The following RBFOX1 variants were observed in gnomAD, a reference collection of about 807,000 sequenced individuals.
RBFOX1 encodes the protein RNA binding protein fox-1 homolog 1.
A neutral mutation model predicts 57.7 loss-of-function variants in RBFOX1; 8 were observed. The observed-to-expected ratio is 0.14, with a 90% CI of 0.08 to 0.25. RBFOX1 has a LOEUF of 0.25. Among genes scored for constraint, RBFOX1 ranks in the 10% least tolerant of loss-of-function variants. The pLI is 1.00. For missense variants in RBFOX1, 611 were observed against 548.5 expected, an observed-to-expected ratio of 1.11 and a Z score of -1.14; for synonymous variants, 326 against 222.4, an observed-to-expected ratio of 1.47 and a Z score of -4.15.
At chr16:5,563,185 G>C (rs2045947837) in intron 2 of RBFOX1, among the ~76,000 whole-genome samples, 1 of 152,220 alleles carries the variant, frequency 6.6e-6, no homozygotes, top group Admixed American at 6.5e-5. Context: ...CTGACATCAG[G>C]TGATCTGCCT....
intron 3 of RBFOX1, among the ~76,000 whole-genome samples, chr16:6,856,107 CTTTCTTCCCT>C (rs1337431555): frequency 6.6e-6 from 1 of 151,242 alleles, no homozygotes; most frequent in Admixed American, 6.6e-5. Flanking sequence ...CTTCCCTTCC[CTTTCTTCCCT>C]TTCCTTCCCT....
At position 5,679,302 on chromosome 16, in the gene RBFOX1, C is replaced by T. The variant is rs111655756; in HGVS notation, c.318+80341C>T. Among the ~76,000 whole-genome samples the T allele has an allele frequency of 8.5e-3, 1,291 of 151,718 alleles. 16 individuals are homozygous for T. The highest frequency in any genetic ancestry group is 0.034 in the Middle Eastern group (10 of 292). The stretch of plus-strand genomic sequence containing the variant: ...TATGCTAAAGTCATGCTGTTACATC[C>T]GAAGTTGTATGACTGACCACCAATT... On this transcript the variant is annotated intron_variant, in intron 3 of 19. Transcript: ENST00000641259.
intron 4 of RBFOX1, among the ~76,000 whole-genome samples, chr16:7,063,024 A>G (rs1051225183): frequency 6.8e-6 from 1 of 147,948 alleles, no homozygotes. Context: ...CTGCAGAGCC[A>G]AGAGTTTGGT....
chr16:5,681,333 C>T (rs898958579), intron 3 of RBFOX1, among the ~76,000 whole-genome samples: 3 of 151,166 alleles, frequency 2.0e-5, no homozygotes, highest in African/African-American at 7.3e-5. Flanking sequence ...ATCCACCCGC[C>T]TCGGCCTCCC....
chr16:7,637,693 C>G (rs1242398706), intron 11 of RBFOX1, among the ~76,000 whole-genome samples: 1 of 152,144 alleles, frequency 6.6e-6, no homozygotes, highest in East Asian at 1.9e-4. Flanking sequence ...ATTGTGTCTT[C>G]TTTTTCCCTC....
intron 3 of RBFOX1, among the ~76,000 whole-genome samples, chr16:6,929,122 T>C (rs1414979942): frequency 6.6e-6 from 1 of 152,120 alleles, no homozygotes; most frequent in African/African-American, 2.4e-5. Flanking sequence ...ATTGCAACTC[T>C]TCAATACTTT....
intron 4 of RBFOX1, among the ~76,000 whole-genome samples, chr16:7,189,876 G>A (rs984659091): frequency 5.3e-5 from 8 of 152,074 alleles, no homozygotes; most frequent in Non-Finnish European, 1.0e-4. Context: ...TCTGCAATAG[G>A]CCCAACTCAC....
rs533749720 is a variant in RBFOX1 at position 7,000,324 on chromosome 16, CAAATTA to C, written c.-15-51726_-15-51721del. On this transcript the variant is annotated intron_variant, in intron 3 of 15. Transcript: ENST00000550418. ...AAATTTAAACATGATCGATATGTCT[CAAATTA>C]AAATTAGTCGATACATCTCTCAAGT... Among the ~76,000 whole-genome samples, 101 of 152,120 alleles carry C rather than the reference CAAATTA, an allele frequency of 6.6e-4. No homozygotes were observed. The South Asian group carries it at 9.3e-3, about 14-fold the overall frequency.
At chr16:5,950,937 A>G (rs1005295108) in intron 4 of RBFOX1, among the ~76,000 whole-genome samples, 5 of 152,128 alleles carry the variant, frequency 3.3e-5, no homozygotes, top group Non-Finnish European at 7.3e-5. Flanking sequence ...AGACCTACCC[A>G]AAGTTGTACA....
intron 4 of RBFOX1, among the ~76,000 whole-genome samples, chr16:7,479,054 G>A (rs1032712228): frequency 6.6e-6 from 1 of 151,978 alleles, no homozygotes; most frequent in Non-Finnish European, 1.5e-5. Flanking sequence ...AAACAGGAAA[G>A]TGGAGTCATA....
intron 4 of RBFOX1, among the ~76,000 whole-genome samples, chr16:7,419,169 A>C (rs1040170227): frequency 6.6e-6 from 1 of 152,112 alleles, no homozygotes; most frequent in African/African-American, 2.4e-5. Flanking sequence ...TGGCCTCCCA[A>C]AGTGCTGGGA....
At chr16:5,510,865 C>G (rs1371942659) in intron 2 of RBFOX1, among the ~76,000 whole-genome samples, 8 of 152,150 alleles carry the variant, frequency 5.3e-5, no homozygotes, top group Non-Finnish European at 7.3e-5. Context: ...TCTGTCCTGA[C>G]AACCAGAAGT....
intron 3 of RBFOX1, among the ~76,000 whole-genome samples, chr16:6,978,269 T>C (rs2087662401): frequency 6.6e-6 from 1 of 152,218 alleles, no homozygotes; most frequent in Admixed American, 6.5e-5. Flanking sequence ...TTGTACTTGA[T>C]AGATGTTCTG....
At chr16:6,079,548 T>A (rs1338809830) in intron 1 of RBFOX1, among the ~76,000 whole-genome samples, 1 of 149,496 alleles carries the variant, frequency 6.7e-6, no homozygotes. Flanking sequence ...GGTCTCAAAC[T>A]CCTGGGCTCA....
intron 1 of RBFOX1, among the ~76,000 whole-genome samples, chr16:6,044,148 T>G (rs2095471299): frequency 6.6e-6 from 1 of 152,162 alleles, no homozygotes; most frequent in Non-Finnish European, 1.5e-5. Flanking sequence ...TAGTCATATT[T>G]GAAGTTAAAA....
chr16:5,268,634 A>C (rs533651468), intron 1 of RBFOX1, among the ~76,000 whole-genome samples: 1 of 152,214 alleles, frequency 6.6e-6, no homozygotes, highest in East Asian at 1.9e-4. Flanking sequence ...ACTGGGAGCC[A>C]TGTGCACTAG....
rs886453327 is a variant in RBFOX1 at position 5,804,640 on chromosome 16, C to A, written c.319-62663C>A. ...ATGACTGCTCTCCACCCTGCTGCAT[C>A]CTCCCTTCCCCTCTTCTGCCCATTG... On this transcript the variant is annotated intron_variant, in intron 3 of 19. Transcript: ENST00000641259. Among the ~76,000 whole-genome samples the A allele has an allele frequency of 2.0e-5, 3 of 152,096 alleles. No individual in the cohort carries two copies. The East Asian group carries it at 5.8e-4, about 29-fold the overall frequency.
At chr16:6,226,179 G>A (rs1365265700) in intron 1 of RBFOX1, among the ~76,000 whole-genome samples, 1 of 135,798 alleles carries the variant, frequency 7.4e-6, no homozygotes, top group African/African-American at 2.8e-5. Context: ...GCAACATGGT[G>A]AAACCCAGTC....
chr16:6,419,826 G>A (rs931708096), intron 2 of RBFOX1, among the ~76,000 whole-genome samples: 1 of 152,148 alleles, frequency 6.6e-6, no homozygotes, highest in African/African-American at 2.4e-5. Context: ...GCTGTGCGGG[G>A]TATAGGCATG....
Sources: allele counts gnomAD v4.1 joint callset (sites outside exome capture counted in the v4.1 genomes callset), GRCh38; gene constraint gnomAD v4.1.1; transcripts MANE v1.5; gene names NCBI Gene and HGNC (gene_info 2026-07-23, HGNC 2026-07-21).